Variants in ADAMTS9 observed in about 807,000 individuals in gnomAD.
ADAMTS9 encodes ADAM metallopeptidase with thrombospondin type 1 motif 9.
In ADAMTS9, 107 loss-of-function variants were observed where a neutral mutation model predicts 257.1. The observed-to-expected ratio is 0.42, with a 90% CI of 0.36 to 0.49. ADAMTS9 has a LOEUF of 0.49. Ranked by LOEUF, ADAMTS9 falls within the 20% of genes least tolerant of loss-of-function variation. The probability of loss-of-function intolerance (pLI) is 0.03; values close to 1 mark genes in which losing one functional copy is unlikely to be tolerated. For synonymous variants in ADAMTS9, 982 were observed against 880.9 expected (o/e 1.11, Z -2.03); for missense variants, 2,353 against 2,469.1 (o/e 0.95, Z 1.00).
At chr3:64,531,468 C>T (rs2082980341) in intron 38 of ADAMTS9, among the ~76,000 whole-genome samples, 1 of 144,988 alleles carries the variant, frequency 6.9e-6, no homozygotes, top group Non-Finnish European at 1.5e-5. Context: ...TCATTGTGTA[C>T]TTAAAAAAAA....
intron 2 of ADAMTS9, among the ~76,000 whole-genome samples, chr3:64,684,530 T>C (rs1446350785): frequency 2.0e-5 from 3 of 152,054 alleles, no homozygotes; most frequent in East Asian, 3.9e-4. Flanking sequence ...TGGGAGGAGA[T>C]AACTTCCAGA....
At chr3:64,659,762 T>C (rs1296242139) in intron 3 of ADAMTS9, among the ~76,000 whole-genome samples, 1 of 152,218 alleles carries the variant, frequency 6.6e-6, no homozygotes. Context: ...CCATGATTTA[T>C]AATGTCAGAT....
intron 12 of ADAMTS9, among the ~76,000 whole-genome samples, chr3:64,639,005 G>C (rs1700569962): frequency 6.6e-6 from 1 of 152,124 alleles, no homozygotes; most frequent in East Asian, 1.9e-4. Flanking sequence ...GGGGGCAGCT[G>C]TTCCCCTCAA....
rs138688588 is a variant in ADAMTS9, at chr3:64,515,658, G to A, written c.*1469C>T. On this transcript the variant is annotated 3_prime_UTR_variant, in exon 40 of 40. Transcript: ENST00000498707. ...AACTATGCGAAACACAAATGGTTTG[G>A]GTGTGGTGATGTATTTATTCATAAT... The A allele has an allele frequency of 3.1e-4, 47 of 152,238 alleles. No individual in the cohort carries two copies. The highest frequency in any genetic ancestry group is 1.1e-3 in the African/African-American group (46 of 41,540). The allele number at this position is 152,238 out of a possible 1,614,324, so 9.4% of individuals were successfully genotyped here.
At chr3:64,544,766 G>C (rs1234930157) in intron 32 of ADAMTS9, among the ~76,000 whole-genome samples, 1 of 152,044 alleles carries the variant, frequency 6.6e-6, no homozygotes, top group Non-Finnish European at 1.5e-5. Flanking sequence ...AGACAAACAG[G>C]ATCTAATTAA....
At chr3:64,595,461 G>T (rs2084348131) in intron 27 of ADAMTS9, among the ~76,000 whole-genome samples, 1 of 152,206 alleles carries the variant, frequency 6.6e-6, no homozygotes, top group African/African-American at 2.4e-5. Flanking sequence ...AATTTGGAAT[G>T]ATCTGGTCTG....
intron 12 of ADAMTS9, 72 bp downstream of exon 12, chr3:64,641,776 C>A: frequency 1.9e-6 from 3 of 1,581,502 alleles, no homozygotes; most frequent in Non-Finnish European, 2.6e-6. Flanking sequence ...TCTTCACCCA[C>A]CAAATTATTC....
At position 64,658,822 on chromosome 3, in the gene ADAMTS9, T is replaced by A. The variant is rs764318491; in HGVS notation, c.680-31A>T. 19 of 1,571,774 alleles carry A rather than the reference T, an allele frequency of 1.2e-5. No homozygotes were observed. The Admixed American group carries it at 3.6e-4, about 29-fold the overall frequency. ...ACAAATCAGATGGTATGCATTACAT[T>A]TCAAGCCACATCTATTTTATATTAA... is the stretch of plus-strand genomic sequence containing the variant. On this transcript the variant is annotated intron_variant, in intron 3 of 39. Transcript: ENST00000498707.
At chr3:64,602,321 G>A in intron 25 of ADAMTS9, 108 bp from the exon 26 acceptor site, 1 of 1,333,108 alleles carries the variant, frequency 7.5e-7, no homozygotes, top group Non-Finnish European at 1.0e-6. Context: ...AAATTGCTCA[G>A]GCCAAAAACC....
intron 28 of ADAMTS9, among the ~76,000 whole-genome samples, chr3:64,584,662 T>G (rs2084100565): frequency 6.6e-6 from 1 of 152,152 alleles, no homozygotes; most frequent in Non-Finnish European, 1.5e-5. Context: ...ATTTTCCAAC[T>G]TATAGAAAGA....
chr3:64,611,681 A>C (rs1448333150), intron 22 of ADAMTS9, among the ~76,000 whole-genome samples: 1 of 152,072 alleles, frequency 6.6e-6, no homozygotes, highest in East Asian at 1.9e-4. Flanking sequence ...TACGGTTTGC[A>C]CTCCTGAGAA....
At position 64,615,454 on chromosome 3, in the gene ADAMTS9, C is replaced by T. The variant is rs764411354; in HGVS notation, c.3056G>A (p.Arg1019Lys). ...GGTATTGACACAAATAGCCCTTCTC[C>T]TCTGGGTCCCACCGTCACAGCTTTT... ...CSKSCDGGTQRRRAICVNTRN... is the reference protein window; with the variant it reads ...CSKSCDGGTQKRRAICVNTRN... The change falls in exon 21 of 40, where the codon AGG (arginine) becomes AAG (lysine). Residue 1019 changes from arginine to lysine, a missense_variant. Physicochemically the swap from Arg to Lys is conservative, Grantham distance 26 (BLOSUM62 2). Coordinates refer to ENST00000498707, the MANE Select transcript of ADAMTS9 (RefSeq NM_182920.2). 2 of 1,613,820 alleles carry T rather than the reference C, an allele frequency of 1.2e-6. No homozygotes were observed. The highest frequency in any genetic ancestry group is 1.3e-5 in the African/African-American group (1 of 75,026).
chr3:64,539,057 A>G, intron 37 of ADAMTS9, 146 bp downstream of exon 37: 1 of 725,248 alleles, frequency 1.4e-6, no homozygotes, highest in Admixed American at 2.2e-5. Context: ...ACTCCAGAGC[A>G]TTTGAGAGGG....
intron 25 of ADAMTS9, 32 bp downstream of exon 25, chr3:64,603,890 T>C: frequency 6.2e-7 from 1 of 1,608,564 alleles, no homozygotes. Flanking sequence ...TTTCCCCCAT[T>C]CCCCCTAATT....
rs2084316201 is a variant in ADAMTS9, at chr3:64,594,176, A to C, written c.4356+82T>G. ...TCTGGGATGCCCTTGTAAGTGTGACAATTATCTGCCACAGAGGAGTGCCCC... is the reference window on the plus strand; with the variant it reads ...TCTGGGATGCCCTTGTAAGTGTGACCATTATCTGCCACAGAGGAGTGCCCC... On this transcript the variant is annotated intron_variant, in intron 28 of 39. Transcript: ENST00000498707. The C allele has an allele frequency of 2.1e-6, 3 of 1,442,552 alleles. No homozygotes were observed. The East Asian group carries it at 7.0e-5, about 34-fold the overall frequency. 89.4% of individuals were successfully genotyped at this position (1,442,552 alleles called of 1,614,324 possible).
At chr3:64,610,261 C>A (rs916567957) in intron 22 of ADAMTS9, among the ~76,000 whole-genome samples, 1 of 152,128 alleles carries the variant, frequency 6.6e-6, no homozygotes, top group Non-Finnish European at 1.5e-5. Flanking sequence ...AATTGGACTA[C>A]ATCATAATTT....
Position 64,561,634 on chromosome 3 carries a change from C to A in ADAMTS9, c.4642G>T (p.Asp1548Tyr). ...AGGGGACACCGTGGGCCTTGGCAGT[C>A]GCGTTCCGACTCCGGTCTGGTGTAT... ...NPYTRPESERDCQGPRCPLYT... is the reference protein window; with the variant it reads ...NPYTRPESERYCQGPRCPLYT... The change falls in exon 30 of 40, where the codon GAC (aspartate) becomes TAC (tyrosine). Residue 1548 changes from aspartate (D) to tyrosine (Y), a missense_variant. Physicochemically the swap from Asp to Tyr is radical, Grantham distance 160. Coordinates refer to ENST00000498707, the MANE Select transcript of ADAMTS9 (RefSeq NM_182920.2). The A allele has an allele frequency of 6.2e-7, 1 of 1,614,090 alleles. No individual in the cohort carries two copies. The highest frequency in any genetic ancestry group is 8.5e-7 in the Non-Finnish European group (1 of 1,179,994).
intron 39 of ADAMTS9, among the ~76,000 whole-genome samples, chr3:64,517,416 G>GTTTTTTTTTGTTTTTTTTTTTTTTTT (rs2082789660): frequency 1.9e-5 from 1 of 52,638 alleles, no homozygotes; most frequent in African/African-American, 5.3e-5. Context: ...ATTAAAAATG[G>GTTTTTTTTTGTTTTTTTTTTTTTTTT]TTTTTTTTTT....
At chr3:64,623,245 T>G (rs902603694) in intron 16 of ADAMTS9, among the ~76,000 whole-genome samples, 5 of 152,284 alleles carry the variant, frequency 3.3e-5, no homozygotes, top group Admixed American at 2.0e-4. Context: ...CAACAGAACC[T>G]GACTTCTAAG....
Sources: allele counts gnomAD v4.1 joint callset (sites outside exome capture counted in the v4.1 genomes callset), GRCh38; gene constraint gnomAD v4.1.1; transcripts MANE v1.5; gene names NCBI Gene and HGNC (gene_info 2026-07-23, HGNC 2026-07-21).